The following LRRC31 variants were observed in gnomAD, a reference collection of about 807,000 sequenced individuals.
LRRC31 encodes leucine-rich repeat-containing protein 31.
Under a neutral mutation model 46.7 loss-of-function variants are expected in LRRC31, and 35 were observed. The ratio of observed to expected loss-of-function variants is 0.75; its 90% CI spans 0.57 to 0.99. The LOEUF is 0.99. Ranked by LOEUF, LRRC31 falls within the 50% of genes least tolerant of loss-of-function variation. The pLI, the probability that LRRC31 is intolerant of heterozygous loss-of-function variation, is 0.00. For missense variants in LRRC31, 613 were observed against 626.1 expected (o/e 0.98, Z 0.22); for synonymous variants, 236 against 235.1 (o/e 1.00, Z -0.03).
chr3:169,868,771 T>C (rs1160058069), intron 1 of LRRC31, among the ~76,000 whole-genome samples: 2 of 152,194 alleles, frequency 1.3e-5, no homozygotes, highest in South Asian at 2.1e-4. Flanking sequence ...AGTAACATAA[T>C]AAATGATTAG....
chr3:169,854,789 CT>C, intron 6 of LRRC31, 23 bp downstream of exon 6: 1 of 1,565,430 alleles, frequency 6.4e-7, no homozygotes, highest in Non-Finnish European at 8.7e-7. Flanking sequence ...AAAGTCTTTC[CT>C]TTGCTCTGCA....
At position 169,856,825 on chromosome 3, in the gene LRRC31, A is replaced by G. The variant is rs1298909782; in HGVS notation, c.535T>C (p.Trp179Arg). 1 of 1,609,846 alleles carries G rather than the reference A, an allele frequency of 6.2e-7. No individual in the cohort carries two copies. Among genetic ancestry groups the G allele is most frequent in the African/African-American group, 1.3e-5 (1 of 74,734 alleles). Residue 179 changes from tryptophan (W) to arginine (R), a missense_variant, in exon 4 of 9, where the codon TGG becomes CGG. Trp to Arg is a moderately radical substitution (Grantham distance 101, BLOSUM62 -3). Transcript: ENST00000316428. ...AAATTTCCTCCCACTTTACTGTTCC[A>G]AGACAAATTTAGCTCTTCAAGTTCA... is the stretch of plus-strand genomic sequence containing the variant. Reference protein sequence around the residue: ...IPELEELNLSWNSKVGGNLPL... With the variant: ...IPELEELNLSRNSKVGGNLPL...
chr3:169,867,934 C>T (rs915661356), intron 1 of LRRC31, among the ~76,000 whole-genome samples: 2 of 152,012 alleles, frequency 1.3e-5, no homozygotes, highest in East Asian at 1.9e-4. Context: ...AGATACTCAC[C>T]GAAGGACAAA....
Position 169,869,784 on chromosome 3 carries a change from A to G in LRRC31, c.24T>C (p.Thr8=), listed in dbSNP as rs1560637854. Residue 8 remains threonine, a synonymous_variant, in exon 1 of 9, where the codon ACT becomes ACC. Transcript: ENST00000316428. ...GGGGCTTAGTTTCTCCTTCTGAGGA[A>G]GTTTTCTTCCTTGTTTGACTCATGG... MSQTRKK[T]SSEGETKPQT... is the part of the protein sequence containing the mutation. 6.2e-7 allele frequency: 1 copy of G among 1,612,702 alleles called. No homozygotes were observed. The highest frequency in any genetic ancestry group is 8.5e-7 in the Non-Finnish European group (1 of 1,179,640).
At chr3:169,866,646 A>G (rs537032452) in intron 1 of LRRC31, among the ~76,000 whole-genome samples, 1 of 152,136 alleles carries the variant, frequency 6.6e-6, no homozygotes, top group African/African-American at 2.4e-5. Context: ...GATGGAAGGG[A>G]GGGTAGGTAT....
intron 1 of LRRC31, among the ~76,000 whole-genome samples, chr3:169,869,220 A>G (rs1781419389): frequency 1.3e-5 from 2 of 151,690 alleles, no homozygotes; most frequent in African/African-American, 4.8e-5. Flanking sequence ...AAAACACAAA[A>G]ATTAGCTGGG....
In LRRC31 at chr3:169,856,549, T is replaced by G. The variant is rs1576793605; in HGVS notation, c.656-46A>C. ...ATAAGAAGGGTAGGTAGGAGGGGAG[T>G]GGAGTTTTACATCACCTGGGGATAT... On this transcript the variant is annotated intron_variant, in intron 4 of 8. Transcript: ENST00000316428. The G allele has an allele frequency of 2.0e-6, 3 of 1,508,448 alleles. No homozygotes were observed. The East Asian group carries it at 7.4e-5, about 37-fold the overall frequency. The allele number at this position is 1,508,448 out of a possible 1,614,324, so 93.4% of individuals were successfully genotyped here. A position where few individuals can be genotyped will look rare whatever the true frequency, so the allele number is the denominator to read the frequency against.
At chr3:169,844,047 C>T (rs1780527410) in intron 8 of LRRC31, among the ~76,000 whole-genome samples, 1 of 152,048 alleles carries the variant, frequency 6.6e-6, no homozygotes, top group East Asian at 1.9e-4. Context: ...ATAAATAATA[C>T]CAATTTTACA....
chr3:169,842,595 C>T (rs1157877087), intron 8 of LRRC31, among the ~76,000 whole-genome samples: 1 of 152,206 alleles, frequency 6.6e-6, no homozygotes, highest in African/African-American at 2.4e-5. Flanking sequence ...AGGTGATCCA[C>T]CTGCCTTGTC....
intron 7 of LRRC31, among the ~76,000 whole-genome samples, chr3:169,851,237 AC>A (rs945240426): frequency 4.6e-5 from 7 of 152,030 alleles, no homozygotes; most frequent in African/African-American, 1.7e-4. Context: ...ACACGGTGAA[AC>A]CCTGTCTCTA....
intron 8 of LRRC31, among the ~76,000 whole-genome samples, chr3:169,847,899 A>G (rs929136745): frequency 6.6e-6 from 1 of 152,170 alleles, no homozygotes; most frequent in Non-Finnish European, 1.5e-5. Flanking sequence ...ACCTATCTAT[A>G]TCCATATCCT....
chr3:169,843,709 T>C (rs1294201756), intron 8 of LRRC31, among the ~76,000 whole-genome samples: 1 of 152,198 alleles, frequency 6.6e-6, no homozygotes, highest in Admixed American at 6.5e-5. Context: ...AGAAAACTAA[T>C]ACCTTTGGTC....
chr3:169,852,102 C>A (rs914135123), intron 6 of LRRC31, among the ~76,000 whole-genome samples: 1 of 152,048 alleles, frequency 6.6e-6, no homozygotes, highest in East Asian at 1.9e-4. Flanking sequence ...AACTCTAATA[C>A]TCTTAGCCCT....
chr3:169,860,313 C>T (rs567341045), intron 3 of LRRC31, among the ~76,000 whole-genome samples: 92 of 151,318 alleles, frequency 6.1e-4, no homozygotes, highest in Middle Eastern at 3.4e-3. Context: ...CTGCAACTTC[C>T]GCCTCCCAGG....
At chr3:169,867,370 G>A (rs1474774488) in intron 1 of LRRC31, among the ~76,000 whole-genome samples, 1 of 148,948 alleles carries the variant, frequency 6.7e-6, no homozygotes, top group Non-Finnish European at 1.5e-5. Context: ...CGATTCTCCT[G>A]CCTCAGCCTC....
intron 3 of LRRC31, among the ~76,000 whole-genome samples, chr3:169,857,247 G>A (rs1302182367): frequency 6.8e-6 from 1 of 147,974 alleles, no homozygotes; most frequent in Non-Finnish European, 1.5e-5. Flanking sequence ...ACCAGGGATA[G>A]AAGTGAGGCA....
At chr3:169,865,502 T>A (rs1383671085) in intron 1 of LRRC31, among the ~76,000 whole-genome samples, 1 of 152,190 alleles carries the variant, frequency 6.6e-6, no homozygotes, top group Admixed American at 6.5e-5. Context: ...CCGACTGAAA[T>A]CTGTCAAGGT....
At chr3:169,862,444 A>T (rs934633326) in intron 1 of LRRC31, among the ~76,000 whole-genome samples, 2 of 152,180 alleles carry the variant, frequency 1.3e-5, no homozygotes, top group Non-Finnish European at 2.9e-5. Flanking sequence ...CACCCTCACT[A>T]GCTTCCTCTG....
chr3:169,853,596 C>T (rs1190081040), intron 6 of LRRC31: 7 of 985,866 alleles, frequency 7.1e-6, no homozygotes, highest in Non-Finnish European at 3.6e-6. Context: ...GTATGACGCT[C>T]AGGCTATGAT....
Sources: gnomAD v4.1 joint callset for allele counts (sites outside exome capture counted in the v4.1 genomes callset) on GRCh38, gnomAD v4.1.1 for gene constraint, MANE v1.5 for transcripts, NCBI Gene and HGNC (gene_info 2026-07-23, HGNC 2026-07-21) for gene names.